The following NFKB2 variants were observed in gnomAD, a reference collection of about 807,000 sequenced individuals.
NFKB2 encodes nuclear factor NF-kappa-B p100 subunit.
Under a neutral mutation model 109.3 loss-of-function variants are expected in NFKB2, and 21 were observed. The observed-to-expected ratio is 0.19, with a 90% confidence interval of 0.14 to 0.28. NFKB2 has a LOEUF of 0.28. NFKB2 is among the 10% of genes least tolerant of loss of function. The probability of loss-of-function intolerance (pLI) is 1.00; values close to 1 mark genes in which losing one functional copy is unlikely to be tolerated. For synonymous variants in NFKB2, 478 were observed against 489.9 expected (o/e 0.98, Z 0.32); for missense variants, 806 against 1,185.3 (o/e 0.68, Z 4.70).
At chr10:102,402,211 G>T (rs536545763) in intron 22 of NFKB2, 41 bp from the exon 23 acceptor site, 1 of 1,551,742 alleles carries the variant, frequency 6.4e-7, no homozygotes, top group African/African-American at 1.4e-5. Context: ...CCGGAGGCCT[G>T]AGGCTTTGAC....
Position 102,395,992 on chromosome 10 carries a change from C to T in NFKB2, c.21+12C>T, listed in dbSNP as rs1233482106. ...GTTGCTACAACCCAGTGAGTCATGCCGCCTGCCCCTGACCCGGCCGGCTGC... is the reference window on the plus strand; with the variant it reads ...GTTGCTACAACCCAGTGAGTCATGCTGCCTGCCCCTGACCCGGCCGGCTGC... On this transcript the variant is annotated intron_variant, in intron 2 of 22. Transcript: ENST00000661543. 6.2e-7 allele frequency: 1 copy of T among 1,612,262 alleles called. No individual in the cohort carries two copies.
rs995345868 is a variant in NFKB2, at chr10:102,397,473, T to G, written c.503-54T>G. ...GTGGGTGGGTCATGGGAGGTGCTCATGGAAGGAGCAGGGAGGGAGAAGCCC... is the reference window on the plus strand; with the variant it reads ...GTGGGTGGGTCATGGGAGGTGCTCAGGGAAGGAGCAGGGAGGGAGAAGCCC... On this transcript the variant is annotated intron_variant, in intron 7 of 22. Transcript: ENST00000661543. This position sits in a 1 kb window ranked among gnomAD's most constrained non-coding sequence, Gnocchi z 4.7. The G allele has an allele frequency of 1.2e-6, 2 of 1,606,994 alleles. No individual in the cohort carries two copies. Among genetic ancestry groups the G allele is most frequent in the Admixed American group, 1.7e-5 (1 of 59,786 alleles).
Position 102,396,912 on chromosome 10 carries a change from C to T in NFKB2, c.252C>T (p.Asn84=). ...GTCCCTGCCTCTCCTAGATCTGTAA[C>T]TACGAGGGACCAGCCAAGATCGAGG... ...RKTYPTVKIC[N]YEGPAKIEVD... Residue 84 remains asparagine (N), a synonymous_variant, in exon 6 of 23, where the codon AAC becomes AAT. Transcript: ENST00000661543. This position sits in a 1 kb window ranked among gnomAD's most constrained non-coding sequence, Gnocchi z 5.9. 1 of 1,603,292 alleles carries T rather than the reference C, an allele frequency of 6.2e-7. No individual in the cohort carries two copies. Among genetic ancestry groups the T allele is most frequent in the Non-Finnish European group, 8.5e-7 (1 of 1,170,868 alleles).
chr10:102,396,498 G>A lies in NFKB2; in HGVS notation c.144+9G>A. The A allele has an allele frequency of 6.2e-7, 1 of 1,613,940 alleles. No individual in the cohort carries two copies. The highest frequency in any genetic ancestry group is 8.5e-7 in the Non-Finnish European group (1 of 1,180,014). On this transcript the variant is annotated intron_variant, in intron 4 of 22. Transcript: ENST00000661543. The surrounding 1 kb of genome is among the most constrained non-coding windows in gnomAD (Gnocchi z 5.9). ...TGGAACAGCCTAAGCAGGTGAGTGAGCAAAAGGGAGGGTGTGGAATGGCTT... is the reference window on the plus strand; with the variant it reads ...TGGAACAGCCTAAGCAGGTGAGTGAACAAAAGGGAGGGTGTGGAATGGCTT...
chr10:102,400,782 A>T lies in NFKB2; in HGVS notation c.1926A>T (p.Thr642=), dbSNP rs1309682474. ...GACGAACAGCCTTGCATCTAGCCACAGAGATGGAGGAGCTGGGGTTGGTCA... is the reference window on the plus strand; with the variant it reads ...GACGAACAGCCTTGCATCTAGCCACTGAGATGGAGGAGCTGGGGTTGGTCA... ...QGGRTALHLA[T]EMEELGLVTH... is the part of the protein sequence containing the mutation. Residue 642 remains threonine, a synonymous_variant, in exon 17 of 23, where the codon ACA becomes ACT. Transcript: ENST00000661543. This position sits in a 1 kb window ranked among gnomAD's most constrained non-coding sequence, Gnocchi z 6.3. 4.4e-6 allele frequency: 7 copies of T among 1,607,532 alleles called. No homozygotes were observed. The highest frequency in any genetic ancestry group is 5.9e-6 in the Non-Finnish European group (7 of 1,176,552).
chr10:102,397,830 C>A lies in NFKB2; in HGVS notation c.661+145C>A. 1 of 1,267,460 alleles carries A rather than the reference C, an allele frequency of 7.9e-7. No homozygotes were observed. 78.5% of individuals were successfully genotyped at this position (1,267,460 alleles called of 1,614,324 possible). ...TGAGTGATCCTGAGCAAGTCATTTC[C>A]CCCCCGAAGCTTCTGTCTTTAGTAA... On this transcript the variant is annotated intron_variant, in intron 8 of 22. Transcript: ENST00000661543. The surrounding 1 kb of genome is among the most constrained non-coding windows in gnomAD (Gnocchi z 4.7).
rs938622170 is a variant in NFKB2 at position 102,401,959 on chromosome 10, C to G, written c.2466+42C>G. ...CCTGCCCCCTCCCCAGCCTCCTTTC[C>G]CGATCTGAGTCCAGGTGCCTCCTTG... On this transcript the variant is annotated intron_variant, in intron 21 of 22. Transcript: ENST00000661543. The surrounding 1 kb of genome is among the most constrained non-coding windows in gnomAD (Gnocchi z 4.2). The G allele has an allele frequency of 1.9e-6, 3 of 1,597,002 alleles. No homozygotes were observed. The highest frequency in any genetic ancestry group is 2.7e-5 in the African/African-American group (2 of 74,770).
Position 102,401,021 on chromosome 10 carries a change from G to A in NFKB2, c.2043G>A (p.Pro681=), listed in dbSNP as rs757196237. 13 of 1,613,908 alleles carry A rather than the reference G, an allele frequency of 8.1e-6. No homozygotes were observed. Among genetic ancestry groups the A allele is most frequent in the African/African-American group, 4.0e-5 (3 of 74,898 alleles). ...ACCTGGCAGCTGGACTGGGGTACCC[G>A]ACCCTCACCCGCCTCCTTCTGAAGG... ...PLHLAAGLGY[P]TLTRLLLKAG... The change falls in exon 18 of 23, where the codon CCG becomes CCA. Residue 681 remains proline, a synonymous_variant. Coordinates refer to ENST00000661543, the MANE Select transcript of NFKB2 (RefSeq NM_001322934.2). This position sits in a 1 kb window ranked among gnomAD's most constrained non-coding sequence, Gnocchi z 4.2.
chr10:102,396,401 G>A lies in NFKB2; in HGVS notation c.104-48G>A, dbSNP rs2061115052. The A allele has an allele frequency of 3.1e-6, 5 of 1,613,994 alleles. No individual in the cohort carries two copies. In the African/African-American group the frequency reaches 6.7e-5, roughly 22 times the overall value. On this transcript the variant is annotated intron_variant, in intron 3 of 22. Coordinates refer to ENST00000661543, the MANE Select transcript of NFKB2 (RefSeq NM_001322934.2). The surrounding 1 kb of genome is among the most constrained non-coding windows in gnomAD (Gnocchi z 5.9). ...AGGGAGAGCATGTGCCCTCTCTCTG[G>A]GGGAGGGGCTGGGAGATCGTGGCTC...
rs200361192 is a variant in NFKB2 at position 102,395,973 on chromosome 10, A to G, written c.14A>G (p.Tyr5Cys). The change falls in exon 2 of 23, where the codon TAC (tyrosine) becomes TGC (cysteine). Residue 5 changes from tyrosine to cysteine, a missense_variant. By Grantham distance (194) the Tyr-to-Cys change is radical. Coordinates refer to ENST00000661543, the MANE Select transcript of NFKB2 (RefSeq NM_001322934.2). ...TAGCCCAGAGACATGGAGAGTTGCT[A>G]CAACCCAGTGAGTCATGCCGCCTGC... MESC[Y>C]NPGLDGIIEY... is the part of the protein sequence containing the mutation. 6.6e-5 allele frequency: 106 copies of G among 1,612,698 alleles called. No individual in the cohort carries two copies. Among genetic ancestry groups the G allele is most frequent in the Non-Finnish European group, 8.6e-5 (101 of 1,179,970 alleles).
At position 102,397,406 on chromosome 10, in the gene NFKB2, C is replaced by T. The variant is rs751821885; in HGVS notation, c.500C>T (p.Thr167Met). The change falls in exon 7 of 23, where the codon ACG becomes ATG. Residue 167 changes from threonine (T) to methionine (M), a missense_variant and splice_region_variant. By Grantham distance (81) the Thr-to-Met change is moderately conservative (BLOSUM62 -1). Coordinates refer to ENST00000661543, the MANE Select transcript of NFKB2 (RefSeq NM_001322934.2). This position sits in a 1 kb window ranked among gnomAD's most constrained non-coding sequence, Gnocchi z 4.7. ...QRLRSRPQGL[T>M]EAEQRELEQE... ...CTCCGCTCTAGGCCCCAGGGCCTTA[C>T]GGGTATGGGTGCAGGGGGTGGGTCG... The T allele has an allele frequency of 3.0e-6, 3 of 985,974 alleles. No homozygotes were observed. Among genetic ancestry groups the T allele is most frequent in the Non-Finnish European group, 3.8e-6 (3 of 780,470 alleles). The allele number at this position is 985,974 out of a possible 1,614,324, so 61.1% of individuals were successfully genotyped here.
At position 102,401,803 on chromosome 10, in the gene NFKB2, G is replaced by A. The variant is rs750475102; in HGVS notation, c.2352G>A (p.Gly784=). ...ALQNLEQLLD[G]PEAQGSWAEL... ...AGAACCTGGAGCAGCTGCTAGACGG[G>A]CCAGAAGCCCAGGGCAGCTGGGCAG... Residue 784 remains glycine (G), a synonymous_variant, in exon 21 of 23, where the codon GGG becomes GGA. Coordinates refer to ENST00000661543, the MANE Select transcript of NFKB2 (RefSeq NM_001322934.2). This position sits in a 1 kb window ranked among gnomAD's most constrained non-coding sequence, Gnocchi z 4.2. The A allele has an allele frequency of 6.2e-7, 1 of 1,613,744 alleles. No homozygotes were observed. The highest frequency in any genetic ancestry group is 1.7e-5 in the Admixed American group (1 of 59,994).
In NFKB2 at chr10:102,396,599, T is replaced by C. The variant is rs1262291810; in HGVS notation, c.144+110T>C. ...CATTGCCGAAGGAGGCCACAGGGGATTGGATGGTCACTGCTGCTGATCAGA... is the reference window on the plus strand; with the variant it reads ...CATTGCCGAAGGAGGCCACAGGGGACTGGATGGTCACTGCTGCTGATCAGA... On this transcript the variant is annotated intron_variant, in intron 4 of 22. Coordinates refer to ENST00000661543, the MANE Select transcript of NFKB2 (RefSeq NM_001322934.2). This position sits in a 1 kb window ranked among gnomAD's most constrained non-coding sequence, Gnocchi z 5.9. 42 of 1,576,498 alleles carry C rather than the reference T, an allele frequency of 2.7e-5. No individual in the cohort carries two copies. The highest frequency in any genetic ancestry group is 1.2e-4 in the Admixed American group (7 of 58,774).
chr10:102,399,998 G>C, intron 14 of NFKB2, 82 bp from the exon 15 acceptor site: 1 of 1,403,116 alleles, frequency 7.1e-7, no homozygotes, highest in Non-Finnish European at 1.0e-6. Context: ...GCCCCAGCGA[G>C]GGAGACTATG....
Position 102,397,421 on chromosome 10 carries a change from G to C in NFKB2, c.502+13G>C. On this transcript the variant is annotated intron_variant, in intron 7 of 22. Transcript: ENST00000661543. This position sits in a 1 kb window ranked among gnomAD's most constrained non-coding sequence, Gnocchi z 4.7. ...CAGGGCCTTACGGGTATGGGTGCAG[G>C]GGGTGGGTCGGGTATGGGTGCAGGG... The C allele has an allele frequency of 6.2e-7, 1 of 1,607,642 alleles. No individual in the cohort carries two copies. Among genetic ancestry groups the C allele is most frequent in the Non-Finnish European group, 8.5e-7 (1 of 1,176,996 alleles).
chr10:102,399,384 C>T lies in NFKB2; in HGVS notation c.1214C>T (p.Ala405Val), dbSNP rs773329863. Residue 405 changes from alanine (A) to valine (V), a missense_variant, in exon 13 of 23, where the codon GCG becomes GTG. By Grantham distance (64) the Ala-to-Val change is moderately conservative (BLOSUM62 0). This residue lies in a region of NFKB2 where 209 missense variants were observed against 211.9 expected (regional missense o/e 0.99). Coordinates refer to ENST00000661543, the MANE Select transcript of NFKB2 (RefSeq NM_001322934.2). ...TGCTACCCGGGAGGCGGGGGCGGGG[C>T]GCAGATGGCCGCCACGGTGCCCAGC... ...MGCYPGGGGG[A>V]QMAATVPSRD... 2 of 1,541,760 alleles carry T rather than the reference C, an allele frequency of 1.3e-6. No individual in the cohort carries two copies. Among genetic ancestry groups the T allele is most frequent in the Non-Finnish European group, 8.7e-7 (1 of 1,143,208 alleles).
In NFKB2 at chr10:102,396,690, C is replaced by G; in HGVS notation, c.145-35C>G. ...TCACTGCTGGCCTGGGTGGTCTTCC[C>G]TGATCACAATGCTACTATGCCCTTG... On this transcript the variant is annotated intron_variant, in intron 4 of 22. Transcript: ENST00000661543. The surrounding 1 kb of genome is among the most constrained non-coding windows in gnomAD (Gnocchi z 5.9). 6.3e-7 allele frequency: 1 copy of G among 1,598,354 alleles called. No individual in the cohort carries two copies. Among genetic ancestry groups the G allele is most frequent in the Non-Finnish European group, 8.6e-7 (1 of 1,166,534 alleles).
In NFKB2 at chr10:102,397,760, TC is replaced by T; in HGVS notation, c.661+76del. ...TGAGGGGTGACCTCAAGCTGTGCAG[TC>T]AAACAGACCCAGGTTTCAGAACCTG... On this transcript the variant is annotated intron_variant, in intron 8 of 22. Transcript: ENST00000661543. The surrounding 1 kb of genome is among the most constrained non-coding windows in gnomAD (Gnocchi z 4.7). The T allele has an allele frequency of 1.3e-6, 2 of 1,536,230 alleles. No individual in the cohort carries two copies. Among genetic ancestry groups the T allele is most frequent in the South Asian group, 2.4e-5 (2 of 83,294 alleles).
Position 102,399,582 on chromosome 10 carries a change from G to A in NFKB2, c.1333G>A (p.Glu445Lys), listed in dbSNP as rs371864445. ...QAPEMLQRAR[E>K]YNARLFGLAQ... ...ACGCCCTCTGTGGCCCGTAGCTCGA[G>A]AGTACAACGCGCGCCTGTTCGGCCT... Residue 445 changes from glutamate (E) to lysine (K), a missense_variant, in exon 14 of 23, where the codon GAG becomes AAG. Around this residue, in one of 10 missense-constraint regions of NFKB2, gnomAD observed 209 missense variants for 211.9 expected, o/e 0.99. Coordinates refer to ENST00000661543, the MANE Select transcript of NFKB2 (RefSeq NM_001322934.2). 4.5e-6 allele frequency: 7 copies of A among 1,550,874 alleles called. No individual in the cohort carries two copies. In the African/African-American group the frequency reaches 6.9e-5, roughly 15 times the overall value.
Sources: allele counts gnomAD v4.1 joint callset, GRCh38; gene constraint gnomAD v4.1.1; regional missense constraint gnomAD v4.1.1; non-coding constraint Gnocchi (gnomAD v3.1); transcripts MANE v1.5; gene names NCBI Gene and HGNC (gene_info 2026-07-23, HGNC 2026-07-21).